The following SERPINA11 variants were observed in gnomAD, a reference collection of about 807,000 sequenced individuals.
SERPINA11 encodes serpin A11.
A neutral mutation model predicts 29.4 loss-of-function variants in SERPINA11; 28 were observed. The observed-to-expected ratio is 0.95, with a 90% confidence interval of 0.70 to 1.30. The LOEUF is 1.30. Ranked by LOEUF, SERPINA11 falls within the 50% of genes most tolerant of loss-of-function variation. The pLI is 0.00. For synonymous variants in SERPINA11, 253 were observed against 206.6 expected, an observed-to-expected ratio of 1.22 and a Z score of -1.92; for missense variants, 530 against 507.3, an observed-to-expected ratio of 1.04 and a Z score of -0.43.
At chr14:94,447,733 T>A (rs1410961225) in intron 2 of SERPINA11, among the ~76,000 whole-genome samples, 1 of 151,860 alleles carries the variant, frequency 6.6e-6, no homozygotes, top group Non-Finnish European at 1.5e-5. Context: ...TGCAATGATA[T>A]CTCTTTTCCC....
rs1283651228 is a variant in SERPINA11 at position 94,442,535 on chromosome 14, G to C, written c.*71C>G. ...TAACTGAACCACATAGCAGCCCCAG[G>C]ATGCAGGCTGGTTCTGGCCTATCTG... On this transcript the variant is annotated 3_prime_UTR_variant, in exon 5 of 5. Transcript: ENST00000334708. 1 of 1,104,280 alleles carries C rather than the reference G, an allele frequency of 9.1e-7. No homozygotes were observed. Among genetic ancestry groups the C allele is most frequent in the Admixed American group, 2.3e-5 (1 of 43,268 alleles). The allele number at this position is 1,104,280 out of a possible 1,614,324, so 68.4% of individuals were successfully genotyped here.
chr14:94,448,565 G>A lies in SERPINA11; in HGVS notation c.210C>T (p.Pro70=), dbSNP rs145988451. ...RLYKELAADA[P]GNIFFSPVSI... ...TCACTGGCGAGAAGAAGATGTTTCCGGGGGCGTCTGCTGCCAGCTCTTTAT... is the reference window on the plus strand; with the variant it reads ...TCACTGGCGAGAAGAAGATGTTTCCAGGGGCGTCTGCTGCCAGCTCTTTAT... Residue 70 remains proline, a synonymous_variant, in exon 2 of 5, where the codon CCC becomes CCT. Transcript: ENST00000334708. 1.5e-5 allele frequency: 25 copies of A among 1,614,170 alleles called. No individual in the cohort carries two copies. The highest frequency in any genetic ancestry group is 1.9e-5 in the Non-Finnish European group (23 of 1,180,038).
Position 94,442,562 on chromosome 14 carries a change from T to G in SERPINA11, c.*44A>C, listed in dbSNP as rs1247321440. 6.9e-7 allele frequency: 1 copy of G among 1,450,686 alleles called. No homozygotes were observed. Among genetic ancestry groups the G allele is most frequent in the East Asian group, 2.4e-5 (1 of 41,450 alleles). 89.9% of individuals were successfully genotyped at this position (1,450,686 alleles called of 1,614,324 possible). On this transcript the variant is annotated 3_prime_UTR_variant, in exon 5 of 5. Transcript: ENST00000334708. ...TGCAGGCTGGTTCTGGCCTATCTGT[T>G]TGGTCCAGGATGAGATAAGATAACT...
chr14:94,449,482 TGTCTG>T lies in SERPINA11; in HGVS notation c.-3-710_-3-706del, dbSNP rs1566784770. On this transcript the variant is annotated intron_variant, in intron 1 of 4. Coordinates refer to ENST00000334708, the MANE Select transcript of SERPINA11 (RefSeq NM_001080451.2). ...CTTTCTTTCTTTCTTTCTTTCTTTC[TGTCTG>T]TCTGTCTTTCTTTCTCTTTCTTTTT... 1.2e-3 allele frequency among the ~76,000 whole-genome samples: 116 copies of T among 94,620 alleles called. 8 individuals are homozygous for T. The highest frequency in any genetic ancestry group is 9.6e-3 in the African/African-American group (107 of 11,192). 62.1% of individuals were successfully genotyped at this position (94,620 alleles called of 152,430 possible). A position where few individuals can be genotyped will look rare whatever the true frequency, so the allele number is the denominator to read the frequency against.
intron 3 of SERPINA11, among the ~76,000 whole-genome samples, chr14:94,444,583 G>A (rs1360281063): frequency 6.6e-6 from 1 of 152,104 alleles, no homozygotes; most frequent in African/African-American, 2.4e-5. Flanking sequence ...GGACTATGGG[G>A]CTGAAATTAG....
At chr14:94,448,102 T>C (rs2139777555) in intron 2 of SERPINA11, 30 bp downstream of exon 2, 8 of 1,598,182 alleles carry the variant, frequency 5.0e-6, no homozygotes, top group South Asian at 1.1e-5. Flanking sequence ...GCAGAGGCAG[T>C]GGCAATAATT....
At chr14:94,446,740 G>C (rs1190768560) in intron 2 of SERPINA11, 136 bp from the exon 3 acceptor site, 2 of 834,808 alleles carry the variant, frequency 2.4e-6, no homozygotes, top group African/African-American at 3.4e-5. Context: ...AGAGCCAGGA[G>C]ACCAGAATTT....
rs2139779962 is a variant in SERPINA11, at chr14:94,449,529, T to TTCTTTCTTTCTTTC, written c.-3-766_-3-753dup. Among the ~76,000 whole-genome samples the TTCTTTCTTTCTTTC allele has an allele frequency of 2.0e-5, 2 of 100,304 alleles. 1 individual carries two copies. Among genetic ancestry groups the TTCTTTCTTTCTTTC allele is most frequent in the East Asian group, 6.5e-4 (2 of 3,064 alleles). The allele number at this position is 100,304 out of a possible 152,430, so 65.8% of individuals were successfully genotyped here. A position where few individuals can be genotyped will look rare whatever the true frequency, so the allele number is the denominator to read the frequency against. On this transcript the variant is annotated intron_variant, in intron 1 of 4. Coordinates refer to ENST00000334708, the MANE Select transcript of SERPINA11 (RefSeq NM_001080451.2). ...TTTCTTTTTCTTTCTTTCTTTCTTT[T>TTCTTTCTTTCTTTC]TCTTTCTTTCTTTCTCTTTCTCTTT...
intron 4 of SERPINA11, 132 bp downstream of exon 4, chr14:94,442,946 A>G: frequency 7.8e-7 from 1 of 1,281,696 alleles, no homozygotes; most frequent in South Asian, 1.4e-5. Flanking sequence ...GAGATGCCTT[A>G]AAGACTGTGG....
chr14:94,449,392 CTTT>C (rs1566784497), intron 1 of SERPINA11, among the ~76,000 whole-genome samples: 10 of 37,892 alleles, frequency 2.6e-4, no homozygotes, highest in South Asian at 1.5e-3. Flanking sequence ...CTCCCTCCCT[CTTT>C]CTTTCTTTCT....
intron 1 of SERPINA11, among the ~76,000 whole-genome samples, chr14:94,450,461 G>GA (rs1411119627): frequency 2.0e-5 from 3 of 152,174 alleles, no homozygotes; most frequent in Non-Finnish European, 4.4e-5. Flanking sequence ...ACAAGCCGAG[G>GA]AAAGCGAAAG....
At chr14:94,445,918 T>C (rs78043486) in intron 3 of SERPINA11, among the ~76,000 whole-genome samples, 3,366 of 152,262 alleles carry the variant, frequency 0.022, 111 homozygotes, top group African/African-American at 0.072. Flanking sequence ...TTTTTTGCTG[T>C]ACTTAACCAC....
At position 94,448,143 on chromosome 14, in the gene SERPINA11, A is replaced by G; in HGVS notation, c.632T>C (p.Ile211Thr). The G allele has an allele frequency of 6.2e-7, 1 of 1,613,230 alleles. No homozygotes were observed. The highest frequency in any genetic ancestry group is 8.5e-7 in the Non-Finnish European group (1 of 1,179,286). The part of the protein sequence containing the change: ...QDTFMVLANY[I>T]FFKAKWKHPF... ...AGAGCAAGCCTCACCTTTGAAGAAGATGTAATTGGCAAGAACCATGAACGT... is the reference window on the plus strand; with the variant it reads ...AGAGCAAGCCTCACCTTTGAAGAAGGTGTAATTGGCAAGAACCATGAACGT... The change falls in exon 2 of 5, where the codon ATC becomes ACC. Residue 211 changes from isoleucine (I) to threonine (T), a missense_variant. Physicochemically the swap from Ile to Thr is moderately conservative, Grantham distance 89. Transcript: ENST00000334708.
At chr14:94,450,363 T>C (rs1166282634) in intron 1 of SERPINA11, among the ~76,000 whole-genome samples, 2 of 152,148 alleles carry the variant, frequency 1.3e-5, no homozygotes, top group Non-Finnish European at 2.9e-5. Flanking sequence ...ATGACTGATG[T>C]CCTTACAAGA....
rs1443574592 is a variant in SERPINA11 at position 94,449,489 on chromosome 14, C to CTTTCTTTCTTTCT, written c.-3-713_-3-712insAGAAAGAAAGAAA. On this transcript the variant is annotated intron_variant, in intron 1 of 4. Coordinates refer to ENST00000334708, the MANE Select transcript of SERPINA11 (RefSeq NM_001080451.2). ...TCTTTCTTTCTTTCTTTCTGTCTGT[C>CTTTCTTTCTTTCT]TGTCTTTCTTTCTCTTTCTTTTTCT... Among the ~76,000 whole-genome samples the CTTTCTTTCTTTCT allele has an allele frequency of 4.3e-5, 4 of 93,090 alleles. 1 individual carries two copies. Among genetic ancestry groups the CTTTCTTTCTTTCT allele is most frequent in the Admixed American group, 1.1e-4 (1 of 9,066 alleles). 61.1% of individuals were successfully genotyped at this position (93,090 alleles called of 152,430 possible). A position where few individuals can be genotyped will look rare whatever the true frequency, so the allele number is the denominator to read the frequency against.
At chr14:94,444,977 C>G (rs539896088) in intron 3 of SERPINA11, among the ~76,000 whole-genome samples, 4 of 152,358 alleles carry the variant, frequency 2.6e-5, no homozygotes, top group Non-Finnish European at 5.9e-5. Flanking sequence ...AGACTGGTAG[C>G]TTTCATTTCC....
chr14:94,451,913 G>T (rs1022421664), intron 1 of SERPINA11, among the ~76,000 whole-genome samples: 8 of 152,138 alleles, frequency 5.3e-5, no homozygotes, highest in Non-Finnish European at 1.2e-4. Context: ...GGAAAATTAA[G>T]AACTATATTC....
In SERPINA11 at chr14:94,448,535, G is replaced by A. The variant is rs376133435; in HGVS notation, c.240C>T (p.Ile80=). The A allele has an allele frequency of 7.4e-6, 12 of 1,614,214 alleles. No individual in the cohort carries two copies. The highest frequency in any genetic ancestry group is 1.0e-5 in the Non-Finnish European group (12 of 1,180,042). Residue 80 remains isoleucine, a synonymous_variant, in exon 2 of 5, where the codon ATC becomes ATT. Coordinates refer to ENST00000334708, the MANE Select transcript of SERPINA11 (RefSeq NM_001080451.2). ...PGNIFFSPVS[I]STTLALLSLG... Reference sequence around the variant, plus strand: ...GAGAGAGCAGGGCCAGGGTGGTGGAGATGCTCACTGGCGAGAAGAAGATGT... The same window carrying A: ...GAGAGAGCAGGGCCAGGGTGGTGGAAATGCTCACTGGCGAGAAGAAGATGT...
At chr14:94,449,489 C>CTCTTTCTTTCTT (rs1443574592) in intron 1 of SERPINA11, among the ~76,000 whole-genome samples, 1 of 93,088 alleles carries the variant, frequency 1.1e-5, no homozygotes, top group African/African-American at 5.4e-5. Context: ...TTCTGTCTGT[C>CTCTTTCTTTCTT]TGTCTTTCTT....
Sources: allele counts gnomAD v4.1 joint callset (sites outside exome capture counted in the v4.1 genomes callset), GRCh38; gene constraint gnomAD v4.1.1; transcripts MANE v1.5; gene names NCBI Gene and HGNC (gene_info 2026-07-23, HGNC 2026-07-21).